CDK6: variants seen among roughly 807,000 people sequenced by gnomAD.
CDK6 encodes the protein cyclin dependent kinase 6, also known as cyclin-dependent kinase 6.
CDK6 carries 6 observed loss-of-function variants against 37.1 expected under a neutral mutation model. The ratio of observed to expected loss-of-function variants is 0.16; its 90% confidence interval spans 0.09 to 0.32. CDK6 has a LOEUF of 0.32. CDK6 is among the 10% of genes least tolerant of loss of function. The pLI is 1.00. For missense variants in CDK6, 224 were observed against 418.9 expected (o/e 0.53, Z 4.06); for synonymous variants, 160 against 161.3 (o/e 0.99, Z 0.06).
chr7:92,725,851 C>G (rs2116711171), intron 3 of CDK6, 58 bp from the exon 4 acceptor site: 1 of 1,490,872 alleles, frequency 6.7e-7, no homozygotes, highest in Non-Finnish European at 9.3e-7. Flanking sequence ...TGAGCATTTG[C>G]TATGCTGGAC....
At chr7:92,702,577 G>A (rs1487666093) in intron 4 of CDK6, among the ~76,000 whole-genome samples, 1 of 151,966 alleles carries the variant, frequency 6.6e-6, no homozygotes. Context: ...TCTTAACTAG[G>A]CATTGATGAG....
intron 4 of CDK6, among the ~76,000 whole-genome samples, chr7:92,714,147 C>T (rs1023439329): frequency 1.3e-5 from 2 of 152,144 alleles, no homozygotes; most frequent in Non-Finnish European, 2.9e-5. Flanking sequence ...TACTATATTA[C>T]AGGCAAATCA....
intron 2 of CDK6, among the ~76,000 whole-genome samples, chr7:92,832,720 C>G (rs1257774791): frequency 6.6e-6 from 1 of 152,154 alleles, no homozygotes; most frequent in Non-Finnish European, 1.5e-5. Context: ...GGCATGGCCA[C>G]GAAAAATATG....
intron 2 of CDK6, among the ~76,000 whole-genome samples, chr7:92,822,612 C>T (rs1019908547): frequency 1.3e-5 from 2 of 152,054 alleles, no homozygotes; most frequent in African/African-American, 4.8e-5. Flanking sequence ...TTTTTGCCCT[C>T]AGGGAGCCTA....
In CDK6 at chr7:92,655,040, C is replaced by G. The variant is rs574595616; in HGVS notation, c.647+16386G>C. Among the ~76,000 whole-genome samples, 4 of 146,678 alleles carry G rather than the reference C, an allele frequency of 2.7e-5. No homozygotes were observed. In the South Asian group the frequency reaches 8.7e-4, roughly 32 times the overall value. The stretch of plus-strand genomic sequence containing the variant: ...TTTTTTTTTTTTGTAGAGACAGAGT[C>G]TCCCTATGTTGCCTAGGCTTGTCTC... On this transcript the variant is annotated intron_variant, in intron 5 of 7. Transcript: ENST00000424848.
intron 2 of CDK6, among the ~76,000 whole-genome samples, chr7:92,795,579 T>A (rs1800388152): frequency 6.6e-6 from 1 of 152,074 alleles, no homozygotes; most frequent in Non-Finnish European, 1.5e-5. Context: ...CTTCATACCT[T>A]AAATCACATC....
At chr7:92,783,322 T>C (rs1406570974) in intron 2 of CDK6, among the ~76,000 whole-genome samples, 1 of 152,218 alleles carries the variant, frequency 6.6e-6, no homozygotes, top group Non-Finnish European at 1.5e-5. Flanking sequence ...TCCTGAAGCC[T>C]TCAATTAAAC....
At chr7:92,787,915 A>T (rs1422729284) in intron 2 of CDK6, among the ~76,000 whole-genome samples, 2 of 152,174 alleles carry the variant, frequency 1.3e-5, no homozygotes, top group Non-Finnish European at 2.9e-5. Context: ...TATAAAAATT[A>T]AAATATAACA....
At chr7:92,807,869 T>C (rs1241116592) in intron 2 of CDK6, among the ~76,000 whole-genome samples, 1 of 152,146 alleles carries the variant, frequency 6.6e-6, no homozygotes, top group African/African-American at 2.4e-5. Context: ...ATAACTACCA[T>C]TTTATTAGGG....
At chr7:92,672,568 A>G (rs1001464631) in intron 4 of CDK6, among the ~76,000 whole-genome samples, 3 of 147,462 alleles carry the variant, frequency 2.0e-5, no homozygotes, top group Admixed American at 1.4e-4. Context: ...TGAAGAAAGC[A>G]TATCATGTTA....
At chr7:92,631,420 A>G (rs1313129402) in intron 5 of CDK6, among the ~76,000 whole-genome samples, 6 of 152,192 alleles carry the variant, frequency 3.9e-5, no homozygotes, top group South Asian at 2.1e-4. Flanking sequence ...GCATACCTCA[A>G]AACAATCAGA....
rs963322630 is a variant in CDK6, at chr7:92,836,566, A to T, written c.-456T>A. ...GTGTCCGCGGCCTCGCGGAGCAGGT[A>T]ATCAGACTCTGGGGAAGGAGTTACC... On this transcript the variant is annotated 5_prime_UTR_variant, in exon 1 of 8. Coordinates refer to ENST00000424848, the MANE Select transcript of CDK6 (RefSeq NM_001145306.2). 1 of 151,780 alleles carries T rather than the reference A, an allele frequency of 6.6e-6. No individual in the cohort carries two copies. The highest frequency in any genetic ancestry group is 1.5e-5 in the Non-Finnish European group (1 of 67,924). The allele number at this position is 151,780 out of a possible 1,614,324, so 9.4% of individuals were successfully genotyped here.
intron 2 of CDK6, among the ~76,000 whole-genome samples, chr7:92,792,838 C>T (rs1339335530): frequency 1.3e-5 from 2 of 151,822 alleles, no homozygotes; most frequent in Non-Finnish European, 2.9e-5. Context: ...GAGCTCCAGA[C>T]ACAAGTCAAG....
At chr7:92,732,831 T>C (rs867558967) in intron 3 of CDK6, among the ~76,000 whole-genome samples, 1 of 152,326 alleles carries the variant, frequency 6.6e-6, no homozygotes, top group South Asian at 2.1e-4. Flanking sequence ...CCACGTCTTA[T>C]ACTGAATGCT....
At chr7:92,740,728 G>A (rs946935359) in intron 3 of CDK6, among the ~76,000 whole-genome samples, 2 of 152,072 alleles carry the variant, frequency 1.3e-5, no homozygotes, top group Non-Finnish European at 2.9e-5. Flanking sequence ...GCCAACTTGT[G>A]TGGCAGGCTG....
At chr7:92,711,491 T>C (rs1798090956) in intron 4 of CDK6, among the ~76,000 whole-genome samples, 1 of 151,554 alleles carries the variant, frequency 6.6e-6, no homozygotes, top group Non-Finnish European at 1.5e-5. Context: ...GCTTTTTTTC[T>C]GGAAGGAAGG....
chr7:92,819,861 G>GA (rs1175109956), intron 2 of CDK6, among the ~76,000 whole-genome samples: 4 of 151,724 alleles, frequency 2.6e-5, no homozygotes, highest in Non-Finnish European at 5.9e-5. Flanking sequence ...AAAAACCAGA[G>GA]AAAAGAGATG....
intron 5 of CDK6, among the ~76,000 whole-genome samples, chr7:92,624,986 T>C (rs1795892280): frequency 6.6e-6 from 1 of 152,072 alleles, no homozygotes; most frequent in Non-Finnish European, 1.5e-5. Flanking sequence ...GATTTTTTTT[T>C]GACTGGGGAA....
intron 5 of CDK6, among the ~76,000 whole-genome samples, chr7:92,636,769 G>T (rs1207682818): frequency 6.6e-6 from 1 of 152,052 alleles, no homozygotes; most frequent in African/African-American, 2.4e-5. Context: ...GGGTTCAAGC[G>T]ATTCTCCTGC....
Sources: gnomAD v4.1 joint callset for allele counts (sites outside exome capture counted in the v4.1 genomes callset) on GRCh38, gnomAD v4.1.1 for gene constraint, MANE v1.5 for transcripts, NCBI Gene and HGNC (gene_info 2026-07-23, HGNC 2026-07-21) for gene names.